Variants in PLEKHA3 observed in about 807,000 individuals in gnomAD.
The protein encoded by PLEKHA3 is pleckstrin homology domain containing A3.
Under a neutral mutation model 39.2 loss-of-function variants are expected in PLEKHA3, and 19 were observed. The ratio of observed to expected loss-of-function variants is 0.48; its 90% CI spans 0.34 to 0.71. The LOEUF is 0.71. Ranked by LOEUF, PLEKHA3 falls within the 30% of genes least tolerant of loss-of-function variation. The pLI, the probability that PLEKHA3 is intolerant of heterozygous loss-of-function variation, is 0.01. For synonymous variants in PLEKHA3, 97 were observed against 118.6 expected, an observed-to-expected ratio of 0.82 and a Z score of 1.18; for missense variants, 253 against 359.5, an observed-to-expected ratio of 0.70 and a Z score of 2.40.
chr2:178,507,347 C>T lies in PLEKHA3; in HGVS notation c.*3460C>T, dbSNP rs1685619441. 1.3e-5 allele frequency: 2 copies of T among 152,040 alleles called. No individual in the cohort carries two copies. The allele number at this position is 152,040 out of a possible 1,614,324, so 9.4% of individuals were successfully genotyped here. A position where few individuals can be genotyped will look rare whatever the true frequency, so the allele number is the denominator to read the frequency against. On this transcript the variant is annotated 3_prime_UTR_variant, in exon 8 of 8. Coordinates refer to ENST00000234453, the MANE Select transcript of PLEKHA3 (RefSeq NM_019091.4). ...ACATAAATGTAGTTCACTGATGTAC[C>T]ACATGGTTAACTATCATTATTTCCT...
chr2:178,501,671 T>C (rs1022260551), intron 7 of PLEKHA3, among the ~76,000 whole-genome samples: 1 of 152,006 alleles, frequency 6.6e-6, no homozygotes, highest in African/African-American at 2.4e-5. Flanking sequence ...CATACTGTGA[T>C]TGAATGTTTT....
intron 7 of PLEKHA3, among the ~76,000 whole-genome samples, chr2:178,503,153 G>C (rs1021256542): frequency 6.6e-5 from 10 of 152,002 alleles, no homozygotes; most frequent in African/African-American, 2.4e-4. Flanking sequence ...CCTTAGAACA[G>C]GACTATGCCA....
At chr2:178,500,148 T>C (rs1406158641) in intron 6 of PLEKHA3, among the ~76,000 whole-genome samples, 1 of 152,192 alleles carries the variant, frequency 6.6e-6, no homozygotes, top group Non-Finnish European at 1.5e-5. Flanking sequence ...GCTATGGTTG[T>C]CTTATTTAGT....
intron 2 of PLEKHA3, among the ~76,000 whole-genome samples, chr2:178,489,560 C>T (rs113669152): frequency 0.012 from 1,714 of 146,036 alleles, 26 homozygotes; most frequent in African/African-American, 0.035. Context: ...CTCCAGCGAT[C>T]CTCTTGCCTC....
At chr2:178,501,251 A>G (rs921849197) in intron 7 of PLEKHA3, 75 bp downstream of exon 7, 2 of 1,056,092 alleles carry the variant, frequency 1.9e-6, no homozygotes, top group Admixed American at 2.0e-5. Context: ...ATTTCTGGAA[A>G]TGAAGTATAC....
chr2:178,511,566 T>G lies in PLEKHA3; in HGVS notation c.*7679T>G, dbSNP rs1479817476. On this transcript the variant is annotated 3_prime_UTR_variant, in exon 8 of 8. Coordinates refer to ENST00000234453, the MANE Select transcript of PLEKHA3 (RefSeq NM_019091.4). ...TGTTTTGTATTTTTACAAAAATTTT[T>G]CACCATGTTGGCCAGGGTGGTCTCA... 6.6e-6 allele frequency: 1 copy of G among 152,192 alleles called. No homozygotes were observed. The highest frequency in any genetic ancestry group is 1.5e-5 in the Non-Finnish European group (1 of 68,048). The allele number at this position is 152,192 out of a possible 1,614,324, so 9.4% of individuals were successfully genotyped here. A position where few individuals can be genotyped will look rare whatever the true frequency, so the allele number is the denominator to read the frequency against.
intron 6 of PLEKHA3, among the ~76,000 whole-genome samples, chr2:178,499,558 A>G (rs990837505): frequency 9.9e-5 from 15 of 152,164 alleles, no homozygotes; most frequent in African/African-American, 3.4e-4. Context: ...TCCATCAATG[A>G]TAGACTGCAT....
intron 5 of PLEKHA3, among the ~76,000 whole-genome samples, chr2:178,498,460 C>T (rs1403224768): frequency 6.6e-6 from 1 of 152,190 alleles, no homozygotes; most frequent in Non-Finnish European, 1.5e-5. Context: ...AAAGCAACCA[C>T]CCTAAACCTT....
intron 3 of PLEKHA3, among the ~76,000 whole-genome samples, chr2:178,491,878 G>A (rs1685353088): frequency 6.6e-6 from 1 of 152,090 alleles, no homozygotes; most frequent in South Asian, 2.1e-4. Flanking sequence ...GCGGGTGTGT[G>A]CGGAAAGAGA....
rs921647312 is a variant in PLEKHA3, at chr2:178,494,644, C to T, written c.450+655C>T. ...CCCAAGGACAAACTGACCACAAGCTCCCTGGAGGTAGTTGACCTCACACTT... is the reference window on the plus strand; with the variant it reads ...CCCAAGGACAAACTGACCACAAGCTTCCTGGAGGTAGTTGACCTCACACTT... On this transcript the variant is annotated intron_variant, in intron 4 of 7. Coordinates refer to ENST00000234453, the MANE Select transcript of PLEKHA3 (RefSeq NM_019091.4). Among the ~76,000 whole-genome samples the T allele has an allele frequency of 1.7e-4, 26 of 152,134 alleles. 1 individual carries two copies. The highest frequency in any genetic ancestry group is 1.3e-4 in the Admixed American group (2 of 15,278).
intron 1 of PLEKHA3, among the ~76,000 whole-genome samples, chr2:178,484,541 C>G (rs1421996597): frequency 6.6e-6 from 1 of 152,188 alleles, no homozygotes; most frequent in Non-Finnish European, 1.5e-5. Flanking sequence ...CCCATCTCCC[C>G]TCTCGGCACT....
intron 3 of PLEKHA3, 69 bp downstream of exon 3, chr2:178,490,883 G>A: frequency 7.9e-7 from 1 of 1,269,774 alleles, no homozygotes; most frequent in East Asian, 2.6e-5. Flanking sequence ...AACTAAATTA[G>A]CCTGTCCACT....
At position 178,499,281 on chromosome 2, in the gene PLEKHA3, G is replaced by A. The variant is rs758223621; in HGVS notation, c.659+27G>A. 9 of 1,606,754 alleles carry A rather than the reference G, an allele frequency of 5.6e-6. No individual in the cohort carries two copies. In the East Asian group the frequency reaches 2.0e-4, roughly 36 times the overall value. On this transcript the variant is annotated intron_variant, in intron 6 of 7. Transcript: ENST00000234453. ...TAAAAGAACCTTTTCTTCTGACTAA[G>A]TTCTCTCAAATTATATCCATCTAGG...
chr2:178,480,951 G>A (rs756150121), intron 1 of PLEKHA3, 42 bp downstream of exon 1: 7 of 1,306,284 alleles, frequency 5.4e-6, no homozygotes, highest in Non-Finnish European at 6.9e-6. Context: ...GAGAGGCGGG[G>A]GGCTGCTGAG....
At chr2:178,488,215 G>T (rs748362120) in intron 2 of PLEKHA3, among the ~76,000 whole-genome samples, 1 of 152,156 alleles carries the variant, frequency 6.6e-6, no homozygotes, top group South Asian at 2.1e-4. Context: ...TTGATATGTA[G>T]GAGTTCTTTG....
chr2:178,491,125 C>T (rs560204934), intron 3 of PLEKHA3, among the ~76,000 whole-genome samples: 1 of 151,888 alleles, frequency 6.6e-6, no homozygotes, highest in South Asian at 2.1e-4. Flanking sequence ...ATTCTCCAGC[C>T]TCAGCTTCCC....
chr2:178,502,812 G>GCA (rs146414466), intron 7 of PLEKHA3, among the ~76,000 whole-genome samples: 40,292 of 149,966 alleles, frequency 0.27, 7,010 homozygotes, highest in East Asian at 0.65. Flanking sequence ...ACACACGCAC[G>GCA]CACACACACA....
At chr2:178,498,279 A>T (rs1685477272) in intron 5 of PLEKHA3, among the ~76,000 whole-genome samples, 1 of 152,210 alleles carries the variant, frequency 6.6e-6, no homozygotes. Context: ...TTGCATCTTA[A>T]TGTCAATCTT....
Position 178,512,960 on chromosome 2 carries a change from G to T in PLEKHA3, c.*9073G>T, listed in dbSNP as rs77610321. 4 of 153,488 alleles carry T rather than the reference G, an allele frequency of 2.6e-5. No homozygotes were observed. The highest frequency in any genetic ancestry group is 9.6e-5 in the African/African-American group (4 of 41,454). The allele number at this position is 153,488 out of a possible 1,614,324, so 9.5% of individuals were successfully genotyped here. A position where few individuals can be genotyped will look rare whatever the true frequency, so the allele number is the denominator to read the frequency against. On this transcript the variant is annotated 3_prime_UTR_variant, in exon 8 of 8. Transcript: ENST00000234453. Reference sequence around the variant, plus strand: ...CTTCCAGACCTTTTTCCTGTGTATTGACTTTTAAATAGATGTACATTGCAA... The same window carrying T: ...CTTCCAGACCTTTTTCCTGTGTATTTACTTTTAAATAGATGTACATTGCAA...
Sources: allele counts gnomAD v4.1 joint callset (sites outside exome capture counted in the v4.1 genomes callset), GRCh38; gene constraint gnomAD v4.1.1; transcripts MANE v1.5; gene names NCBI Gene and HGNC (gene_info 2026-07-23, HGNC 2026-07-21).